Variants in YAP1 observed in about 807,000 individuals in gnomAD.
The protein encoded by YAP1 is transcriptional coactivator YAP1.
Under a neutral mutation model 56.9 loss-of-function variants are expected in YAP1, and 5 were observed. The ratio of observed to expected loss-of-function variants is 0.09; its 90% CI spans 0.05 to 0.18. The LOEUF (loss-of-function observed/expected upper bound fraction) is 0.18. Ranked by LOEUF, YAP1 falls within the 10% of genes least tolerant of loss-of-function variation. The probability of loss-of-function intolerance (pLI) is 1.00; values close to 1 mark genes in which losing one functional copy is unlikely to be tolerated. For synonymous variants in YAP1, 265 were observed against 248.1 expected (o/e 1.07, Z -0.64); for missense variants, 539 against 651.8 (o/e 0.83, Z 1.88).
intron 3 of YAP1, among the ~76,000 whole-genome samples, chr11:102,170,771 C>G (rs1364845264): frequency 6.6e-6 from 1 of 152,026 alleles, no homozygotes; most frequent in Non-Finnish European, 1.5e-5. Flanking sequence ...GAGTTCAAGA[C>G]CAGCTTGGCC....
At chr11:102,127,030 G>A (rs756923331) in intron 2 of YAP1, among the ~76,000 whole-genome samples, 21 of 152,312 alleles carry the variant, frequency 1.4e-4, no homozygotes, top group Non-Finnish European at 2.5e-4. Flanking sequence ...TTTCTAAGCA[G>A]CAAAGCATTC....
At chr11:102,191,608 C>G (rs1465592478) in intron 4 of YAP1, among the ~76,000 whole-genome samples, 1 of 152,156 alleles carries the variant, frequency 6.6e-6, no homozygotes, top group Admixed American at 6.6e-5. Context: ...GCACTTGCAT[C>G]TTGTATTGTG....
At chr11:102,208,279 G>A (rs773149194) in intron 5 of YAP1, among the ~76,000 whole-genome samples, 1 of 152,020 alleles carries the variant, frequency 6.6e-6, no homozygotes, top group African/African-American at 2.4e-5. Context: ...TGTGAAGAAG[G>A]GTATTATATA....
At chr11:102,144,829 A>G (rs1945226946) in intron 2 of YAP1, among the ~76,000 whole-genome samples, 1 of 151,698 alleles carries the variant, frequency 6.6e-6, no homozygotes, top group Non-Finnish European at 1.5e-5. Context: ...TATGCAATAT[A>G]ATTCATTTAT....
chr11:102,167,713 A>G (rs1435491690), intron 3 of YAP1, among the ~76,000 whole-genome samples: 1 of 152,100 alleles, frequency 6.6e-6, no homozygotes, highest in African/African-American at 2.4e-5. Context: ...CAGCCTGGTG[A>G]CAGAGCAAGA....
In YAP1 at chr11:102,186,000, T is replaced by C; in HGVS notation, c.689-18T>C. Reference sequence around the variant, plus strand: ...CCAAATAAAAACCATGATTTTTTTTTTTTTTTCTGTATTATAGGTCCTCTT... The same window carrying C: ...CCAAATAAAAACCATGATTTTTTTTCTTTTTTCTGTATTATAGGTCCTCTT... On this transcript the variant is annotated intron_variant, in intron 3 of 8. Coordinates refer to ENST00000282441, the MANE Select transcript of YAP1 (RefSeq NM_001130145.3). 1 of 1,529,732 alleles carries C rather than the reference T, an allele frequency of 6.5e-7. No homozygotes were observed. Among genetic ancestry groups the C allele is most frequent in the Non-Finnish European group, 8.7e-7 (1 of 1,147,946 alleles). The allele number at this position is 1,529,732 out of a possible 1,614,324, so 94.8% of individuals were successfully genotyped here.
Position 102,130,665 on chromosome 11 carries a change from A to G in YAP1, c.572+16271A>G, listed in dbSNP as rs1254364908. ...CAATCTGCTCACTTCAGCCTCCCAA[A>G]ATGCTGGGATTACAGGCATGAGCCA... On this transcript the variant is annotated intron_variant, in intron 2 of 8. Coordinates refer to ENST00000282441, the MANE Select transcript of YAP1 (RefSeq NM_001130145.3). Among the ~76,000 whole-genome samples, 3 of 150,266 alleles carry G rather than the reference A, an allele frequency of 2.0e-5. No homozygotes were observed. In the East Asian group the frequency reaches 5.9e-4, roughly 29 times the overall value.
rs1950409343 is a variant in YAP1 at position 102,230,719 on chromosome 11, G to A, written c.*779G>A. The A allele has an allele frequency of 6.6e-6, 1 of 152,378 alleles. No individual in the cohort carries two copies. The highest frequency in any genetic ancestry group is 2.4e-5 in the African/African-American group (1 of 41,358). 9.4% of individuals were successfully genotyped at this position (152,378 alleles called of 1,614,324 possible). ...GGGGGTTGGTTGGTTGGTTGGTTTT[G>A]TCGGAACCTAGGCAAATGACCATAT... On this transcript the variant is annotated 3_prime_UTR_variant, in exon 9 of 9. Coordinates refer to ENST00000282441, the MANE Select transcript of YAP1 (RefSeq NM_001130145.3).
intron 2 of YAP1, among the ~76,000 whole-genome samples, chr11:102,154,315 C>T (rs1271260393): frequency 6.6e-6 from 1 of 152,116 alleles, no homozygotes; most frequent in Non-Finnish European, 1.5e-5. Flanking sequence ...CTTGCTTTCT[C>T]TCTGTAAACA....
intron 3 of YAP1, among the ~76,000 whole-genome samples, chr11:102,170,305 T>C (rs1403592016): frequency 1.3e-5 from 2 of 152,248 alleles, no homozygotes; most frequent in South Asian, 4.1e-4. Context: ...ATATAATTAC[T>C]TTGTTTTTCA....
rs764386641 is a variant in YAP1, at chr11:102,205,911, G to A, written c.821G>A (p.Ser274Asn). The A allele has an allele frequency of 2.5e-6, 4 of 1,574,430 alleles. No individual in the cohort carries two copies. The highest frequency in any genetic ancestry group is 3.6e-5 in the Admixed American group (2 of 55,724). ...ATTTCAGCCATGAACCAGAGAATCA[G>A]TCAGAGTGCTCCAGTGAAACAGCCA... ...DPRFAMNQRI[S>N]QSAPVKQPPP... The change falls in exon 5 of 9, where the codon AGT becomes AAT. Residue 274 changes from serine (S) to asparagine (N), a missense_variant. By Grantham distance (46) the Ser-to-Asn change is conservative. Coordinates refer to ENST00000282441, the MANE Select transcript of YAP1 (RefSeq NM_001130145.3).
intron 5 of YAP1, among the ~76,000 whole-genome samples, chr11:102,206,704 G>A (rs1047221192): frequency 3.3e-5 from 5 of 152,146 alleles, no homozygotes; most frequent in South Asian, 2.1e-4. Flanking sequence ...TTAGCCAAGC[G>A]TGGTGGCACA....
intron 3 of YAP1, among the ~76,000 whole-genome samples, chr11:102,167,181 A>G (rs1946661305): frequency 6.6e-6 from 1 of 152,242 alleles, no homozygotes; most frequent in Non-Finnish European, 1.5e-5. Flanking sequence ...AAAAGGTTCT[A>G]GAGGCAACAC....
intron 6 of YAP1, among the ~76,000 whole-genome samples, chr11:102,222,270 C>T (rs556184265): frequency 6.6e-6 from 1 of 152,164 alleles, no homozygotes; most frequent in East Asian, 1.9e-4. Context: ...TGATAAGAAA[C>T]TGTATGTATT....
intron 6 of YAP1, among the ~76,000 whole-genome samples, chr11:102,214,505 A>G (rs774407389): frequency 2.6e-5 from 4 of 152,208 alleles, no homozygotes; most frequent in Non-Finnish European, 5.9e-5. Flanking sequence ...TTTTTCCTGA[A>G]TTTAGTAAAA....
At chr11:102,229,598 C>G in intron 8 of YAP1, 104 bp from the exon 9 acceptor site, 1 of 1,021,686 alleles carries the variant, frequency 9.8e-7, no homozygotes, top group Non-Finnish European at 1.5e-6. Context: ...TTAGGTCAGT[C>G]AGGAGCGCTT....
Position 102,164,187 on chromosome 11 carries a change from T to C in YAP1, c.688+1616T>C, listed in dbSNP as rs568105545. On this transcript the variant is annotated intron_variant, in intron 3 of 8. Transcript: ENST00000282441. Reference sequence around the variant, plus strand: ...CGAGCTGGTACTACAGGCGCCTGCCTCCACACCCAGCTAATTTTTGTATTT... The same window carrying C: ...CGAGCTGGTACTACAGGCGCCTGCCCCCACACCCAGCTAATTTTTGTATTT... Among the ~76,000 whole-genome samples the C allele has an allele frequency of 6.6e-5, 10 of 152,112 alleles. No homozygotes were observed. The South Asian group carries it at 1.7e-3, about 25-fold the overall frequency.
chr11:102,160,808 T>G (rs1414388974), intron 2 of YAP1, among the ~76,000 whole-genome samples: 1 of 152,204 alleles, frequency 6.6e-6, no homozygotes, highest in Non-Finnish European at 1.5e-5. Flanking sequence ...TGTATCCTAT[T>G]CCTTCCTGCT....
intron 3 of YAP1, among the ~76,000 whole-genome samples, chr11:102,181,256 T>C (rs1372339905): frequency 6.6e-6 from 1 of 151,238 alleles, no homozygotes; most frequent in East Asian, 1.9e-4. Flanking sequence ...CAATCCTGGC[T>C]AACACGGTGA....
Sources: allele counts gnomAD v4.1 joint callset (sites outside exome capture counted in the v4.1 genomes callset), GRCh38; gene constraint gnomAD v4.1.1; transcripts MANE v1.5; gene names NCBI Gene and HGNC (gene_info 2026-07-23, HGNC 2026-07-21).